CTRC: variants seen among roughly 807,000 people sequenced by gnomAD.
The protein encoded by CTRC is chymotrypsin C.
A neutral mutation model predicts 35.7 loss-of-function variants in CTRC; 32 were observed. The observed-to-expected ratio is 0.90, with a 90% CI of 0.68 to 1.20. CTRC has a LOEUF of 1.20. CTRC is among the 50% of genes most tolerant of loss of function. CTRC has a pLI of 0.00. For synonymous variants in CTRC, 119 were observed against 149.5 expected (o/e 0.80, Z 1.49); for missense variants, 324 against 361.5 (o/e 0.90, Z 0.84).
intron 4 of CTRC, among the ~76,000 whole-genome samples, 195 bp from the exon 5 acceptor site, chr1:15,443,224 C>T (rs573205154): frequency 2.0e-4 from 30 of 152,236 alleles, no homozygotes; most frequent in Admixed American, 4.6e-4. Flanking sequence ...GTCAACAGTG[C>T]GGGTGATCAT....
rs541803590 is a variant in CTRC at position 15,447,060 on chromosome 1, G to T, written c.*471G>T. 28 of 302,666 alleles carry T rather than the reference G, an allele frequency of 9.3e-5. No homozygotes were observed. Among genetic ancestry groups the T allele is most frequent in the African/African-American group, 5.9e-4 (27 of 45,846 alleles). The allele number at this position is 302,666 out of a possible 1,614,324, so 18.7% of individuals were successfully genotyped here. The stretch of plus-strand genomic sequence containing the variant: ...AAGACAGGGTCTCCCCAAAAGCAGC[G>T]TCCCCCAGGCCAGAGAGACCAGGCC... On this transcript the variant is annotated 3_prime_UTR_variant, in exon 8 of 8. Coordinates refer to ENST00000375949, the MANE Select transcript of CTRC (RefSeq NM_007272.3).
chr1:15,445,602 C>A lies in CTRC; in HGVS notation c.645C>A (p.Asp215Glu), dbSNP rs1465995647. The change falls in exon 7 of 8, where the codon GAC becomes GAA. Residue 215 changes from aspartate (D) to glutamate (E), a missense_variant. By Grantham distance (45) the Asp-to-Glu change is conservative. Coordinates refer to ENST00000375949, the MANE Select transcript of CTRC (RefSeq NM_007272.3). Reference sequence around the variant, plus strand: ...GCCCTCCCGGTCTGGTGCAGGGGGACTCCGGTGGCCCACTGAACTGCCAGT... The same window carrying A: ...GCCCTCCCGGTCTGGTGCAGGGGGAATCCGGTGGCCCACTGAACTGCCAGT... ...GDGVISACNG[D>E]SGGPLNCQLE... The A allele has an allele frequency of 3.7e-6, 6 of 1,614,186 alleles. No individual in the cohort carries two copies. Among genetic ancestry groups the A allele is most frequent in the Non-Finnish European group, 5.1e-6 (6 of 1,180,022 alleles).
At position 15,440,584 on chromosome 1, in the gene CTRC, G is replaced by T; in HGVS notation, c.224G>T (p.Cys75Phe). 6.2e-7 allele frequency: 1 copy of T among 1,613,840 alleles called. No individual in the cohort carries two copies. The highest frequency in any genetic ancestry group is 8.5e-7 in the Non-Finnish European group (1 of 1,179,808). The change falls in exon 3 of 8, where the codon TGC becomes TTC. Residue 75 changes from cysteine to phenylalanine, a missense_variant. Physicochemically the swap from Cys to Phe is radical, Grantham distance 205 (BLOSUM62 -2). Transcript: ENST00000375949. ...AACTTCGTCCTCACTGCCGCCCACTGCATCAGGTGTGCGGGGATGATACCC... is the reference window on the plus strand; with the variant it reads ...AACTTCGTCCTCACTGCCGCCCACTTCATCAGGTGTGCGGGGATGATACCC... ...ASNFVLTAAH[C>F]ISNTRTYRVA...
intron 1 of CTRC, among the ~76,000 whole-genome samples, chr1:15,439,024 A>G (rs1435754675): frequency 1.3e-5 from 2 of 152,168 alleles, no homozygotes; most frequent in African/African-American, 2.4e-5. Flanking sequence ...TAACAACAAC[A>G]ACAGTAATAA....
In CTRC at chr1:15,440,254, G is replaced by T. The variant is rs1296645995; in HGVS notation, c.41-46G>T. 9.5e-6 allele frequency: 9 copies of T among 944,032 alleles called. No individual in the cohort carries two copies. The Admixed American group carries it at 1.5e-4, about 16-fold the overall frequency. 58.5% of individuals were successfully genotyped at this position (944,032 alleles called of 1,614,324 possible). A position where few individuals can be genotyped will look rare whatever the true frequency, so the allele number is the denominator to read the frequency against. The stretch of plus-strand genomic sequence containing the variant: ...CACCCTCCCACCCCTTTCCCCGTGG[G>T]CTACCAGCCCTATTCACTGGTTCTT... On this transcript the variant is annotated intron_variant, in intron 1 of 7. Transcript: ENST00000375949.
intron 7 of CTRC, 51 bp from the exon 8 acceptor site, chr1:15,446,524 C>T (rs1277452907): frequency 6.2e-7 from 1 of 1,600,996 alleles, no homozygotes; most frequent in Admixed American, 1.7e-5. Context: ...CTGTGCCACC[C>T]TAGAAGGTGG....
rs780783336 is a variant in CTRC at position 15,445,715 on chromosome 1, C to T, written c.758C>T (p.Thr253Ile). 2 of 1,614,200 alleles carry T rather than the reference C, an allele frequency of 1.2e-6. No homozygotes were observed. Among genetic ancestry groups the T allele is most frequent in the South Asian group, 1.1e-5 (1 of 91,086 alleles). Residue 253 changes from threonine to isoleucine, a missense_variant, in exon 7 of 8, where the codon ACC becomes ATC. Transcript: ENST00000375949. ...CNTRKKPVVY[T>I]RVSAYIDWIN... ...ACCCGCAAGAAGCCGGTAGTCTACA[C>T]CCGGGTGTCCGCCTACATCGACTGG...
intron 3 of CTRC, among the ~76,000 whole-genome samples, chr1:15,441,421 A>G (rs1168204946): frequency 1.3e-5 from 2 of 151,950 alleles, no homozygotes; most frequent in Non-Finnish European, 2.9e-5. Context: ...TGGAGGAGAG[A>G]CCTGTCAGTA....
chr1:15,443,665 A>G, intron 5 of CTRC, 110 bp downstream of exon 5: 1 of 1,330,982 alleles, frequency 7.5e-7, no homozygotes, highest in South Asian at 1.2e-5. Context: ...TGTCTTTGTA[A>G]ACTTTGTAAC....
intron 3 of CTRC, among the ~76,000 whole-genome samples, chr1:15,441,592 G>A (rs1051062597): frequency 2.0e-5 from 3 of 151,758 alleles, no homozygotes; most frequent in African/African-American, 7.3e-5. Flanking sequence ...GCAAAGGAGA[G>A]TTGTGGGCTG....
Position 15,446,639 on chromosome 1 carries a change from C to T in CTRC, c.*50C>T, listed in dbSNP as rs550325827. 2 of 1,610,710 alleles carry T rather than the reference C, an allele frequency of 1.2e-6. No individual in the cohort carries two copies. Among genetic ancestry groups the T allele is most frequent in the African/African-American group, 1.3e-5 (1 of 74,880 alleles). On this transcript the variant is annotated 3_prime_UTR_variant, in exon 8 of 8. Coordinates refer to ENST00000375949, the MANE Select transcript of CTRC (RefSeq NM_007272.3). Reference sequence around the variant, plus strand: ...GAGTCCCTGCAACAGCAATAAACTTCCTTCTCCTCGGGCCACCTGGATCCT... The same window carrying T: ...GAGTCCCTGCAACAGCAATAAACTTTCTTCTCCTCGGGCCACCTGGATCCT...
intron 5 of CTRC, among the ~76,000 whole-genome samples, chr1:15,444,046 A>G (rs1157926779): frequency 6.6e-6 from 1 of 152,120 alleles, no homozygotes; most frequent in African/African-American, 2.4e-5. Context: ...TGAGGCCAGG[A>G]GTTCAAGACC....
At position 15,443,515 on chromosome 1, in the gene CTRC, G is replaced by T; in HGVS notation, c.453G>T (p.Lys151Asn). The change falls in exon 5 of 8, where the codon AAG becomes AAT. Residue 151 changes from lysine (K) to asparagine (N), a missense_variant. Transcript: ENST00000375949. ...CAGAGAAGGACTCCCTGCTCCCCAA[G>T]GACTACCCCTGCTATGTCACCGGCT... Reference protein sequence around the residue: ...CLPEKDSLLPKDYPCYVTGWG... With the variant: ...CLPEKDSLLPNDYPCYVTGWG... 9 of 1,614,228 alleles carry T rather than the reference G, an allele frequency of 5.6e-6. No homozygotes were observed. The highest frequency in any genetic ancestry group is 7.6e-6 in the Non-Finnish European group (9 of 1,180,046).
intron 4 of CTRC, among the ~76,000 whole-genome samples, 169 bp from the exon 5 acceptor site, chr1:15,443,250 G>A (rs919754725): frequency 7.9e-5 from 12 of 152,132 alleles, no homozygotes; most frequent in Admixed American, 2.0e-4. Context: ...ATGGTGAATC[G>A]TTTGTCCTGA....
chr1:15,442,228 C>A (rs1455800509), intron 3 of CTRC, among the ~76,000 whole-genome samples: 3 of 152,170 alleles, frequency 2.0e-5, no homozygotes, highest in Non-Finnish European at 4.4e-5. Context: ...GATGAGGGAA[C>A]TGAGGCACAA....
rs370855563 is a variant in CTRC, at chr1:15,442,636, C to T, written c.356+64C>T. Reference sequence around the variant, plus strand: ...AGTGTGGAAGGAGGGGTCCCCAAGACGGAGCCGCAGAGCCTGTCGCACCCC... The same window carrying T: ...AGTGTGGAAGGAGGGGTCCCCAAGATGGAGCCGCAGAGCCTGTCGCACCCC... On this transcript the variant is annotated intron_variant, in intron 4 of 7. Coordinates refer to ENST00000375949, the MANE Select transcript of CTRC (RefSeq NM_007272.3). The T allele has an allele frequency of 3.0e-5, 48 of 1,607,368 alleles. 1 individual carries two copies. The Middle Eastern group carries it at 8.2e-4, about 28-fold the overall frequency.
chr1:15,446,472 C>A, intron 7 of CTRC, 103 bp from the exon 8 acceptor site: 2 of 1,164,898 alleles, frequency 1.7e-6, no homozygotes, highest in Non-Finnish European at 2.6e-6. Context: ...AGGCCGGGGG[C>A]TGCTGGCCAT....
At chr1:15,439,503 G>A (rs1277117306) in intron 1 of CTRC, among the ~76,000 whole-genome samples, 1 of 152,104 alleles carries the variant, frequency 6.6e-6, no homozygotes, top group Non-Finnish European at 1.5e-5. Flanking sequence ...GGACATCGAG[G>A]TTCCGTGCGA....
At position 15,440,577 on chromosome 1, in the gene CTRC, G is replaced by T. The variant is rs515726209; in HGVS notation, c.217G>T (p.Ala73Ser). The T allele has an allele frequency of 1.9e-6, 3 of 1,613,848 alleles. No homozygotes were observed. Among genetic ancestry groups the T allele is most frequent in the Admixed American group, 3.3e-5 (2 of 59,986 alleles). ...TGCTAGCAACTTCGTCCTCACTGCC[G>T]CCCACTGCATCAGGTGTGCGGGGAT... ...LIASNFVLTA[A>S]HCISNTRTYR... Residue 73 changes from alanine to serine, a missense_variant, in exon 3 of 8, where the codon GCC (alanine) becomes TCC (serine). Transcript: ENST00000375949.
Sources: gnomAD v4.1 joint callset for allele counts (sites outside exome capture counted in the v4.1 genomes callset) on GRCh38, gnomAD v4.1.1 for gene constraint, MANE v1.5 for transcripts, NCBI Gene and HGNC (gene_info 2026-07-23, HGNC 2026-07-21) for gene names.